Variants in FOXP1 observed in about 807,000 individuals in gnomAD.
The protein encoded by FOXP1 is forkhead box protein P1.
A neutral mutation model predicts 98.2 loss-of-function variants in FOXP1; 15 were observed. That is an observed-to-expected ratio of 0.15 (90% CI 0.10 to 0.24). The LOEUF is 0.24. Among genes scored for constraint, FOXP1 ranks in the 10% least tolerant of loss-of-function variants. The pLI, the probability that FOXP1 is intolerant of heterozygous loss-of-function variation, is 1.00. For synonymous variants in FOXP1, 371 were observed against 314.5 expected, an observed-to-expected ratio of 1.18 and a Z score of -1.90; for missense variants, 633 against 848.5, an observed-to-expected ratio of 0.75 and a Z score of 3.15.
intron 2 of FOXP1, among the ~76,000 whole-genome samples, chr3:71,548,127 C>T (rs959681306): frequency 6.6e-6 from 1 of 152,216 alleles, no homozygotes; most frequent in African/African-American, 2.4e-5. Context: ...GCATGGACAA[C>T]ACCCCCAAGT....
intron 14 of FOXP1, among the ~76,000 whole-genome samples, chr3:70,978,307 C>T (rs1197203628): frequency 6.6e-6 from 1 of 152,130 alleles, no homozygotes; most frequent in East Asian, 1.9e-4. Context: ...TGTGAGAAAC[C>T]CTGAGTCAAG....
intron 3 of FOXP1, among the ~76,000 whole-genome samples, chr3:71,418,732 C>T (rs1458842837): frequency 1.3e-5 from 2 of 152,094 alleles, no homozygotes; most frequent in Non-Finnish European, 2.9e-5. Flanking sequence ...TTTGAGGCAA[C>T]AATATTTTGT....
At chr3:71,510,673 C>G (rs964048496) in intron 2 of FOXP1, among the ~76,000 whole-genome samples, 5 of 152,186 alleles carry the variant, frequency 3.3e-5, no homozygotes, top group African/African-American at 1.2e-4. Flanking sequence ...GGGGCTGATG[C>G]CTACCAACTG....
intron 6 of FOXP1, among the ~76,000 whole-genome samples, chr3:71,134,949 C>G (rs985786287): frequency 2.0e-5 from 3 of 152,044 alleles, no homozygotes; most frequent in African/African-American, 7.3e-5. Context: ...CTAGACAATC[C>G]TACCTTCTTC....
rs550575614 is a variant in FOXP1, at chr3:70,977,994, G to C, written c.1182C>G (p.Ser394=). The C allele has an allele frequency of 4.3e-6, 7 of 1,614,074 alleles. No individual in the cohort carries two copies. Among genetic ancestry groups the C allele is most frequent in the Admixed American group, 3.3e-5 (2 of 60,022 alleles). The change falls in exon 15 of 21, where the codon TCC becomes TCG. Residue 394 remains serine, a synonymous_variant. Transcript: ENST00000649528. ...AGCTCTGTGGAGAAGCCTCCGATGC[G>C]GACTTGGAGAGAGTGACACTTGATA... The part of the protein sequence containing the change: ...NLVSSVTLSK[S]ASEASPQSLP...
At chr3:71,582,613 G>A in intron 1 of FOXP1, 1 of 985,446 alleles carries the variant, frequency 1.0e-6, no homozygotes, top group Non-Finnish European at 1.2e-6. Context: ...GCTTCAGAGG[G>A]GGGTAAAATC....
chr3:71,214,747 G>C lies in FOXP1; in HGVS notation c.-11-16355C>G, dbSNP rs1025704862. ...TGATCACGTTCTCCCCCAAAAGAGA[G>C]AGAGGAGCGGGGGAGAGAGGATCAT... On this transcript the variant is annotated intron_variant, in intron 5 of 20. Coordinates refer to ENST00000649528, the MANE Select transcript of FOXP1 (RefSeq NM_001349338.3). Among the ~76,000 whole-genome samples, 32 of 152,206 alleles carry C rather than the reference G, an allele frequency of 2.1e-4. 1 individual carries two copies. Among genetic ancestry groups the C allele is most frequent in the Non-Finnish European group, 1.5e-5 (1 of 68,036 alleles).
chr3:70,990,721 C>A (rs1002826121), intron 13 of FOXP1, among the ~76,000 whole-genome samples: 1 of 152,134 alleles, frequency 6.6e-6, no homozygotes, highest in Non-Finnish European at 1.5e-5. Context: ...GAGTATCTAG[C>A]ATAAAGGAAA....
chr3:71,305,442 A>G (rs549629726), intron 4 of FOXP1, among the ~76,000 whole-genome samples: 38 of 152,260 alleles, frequency 2.5e-4, no homozygotes, highest in African/African-American at 9.1e-4. Context: ...ATTTCCACAG[A>G]AGAAAACCTT....
chr3:71,046,383 T>G (rs563636224), intron 10 of FOXP1, among the ~76,000 whole-genome samples: 1 of 152,022 alleles, frequency 6.6e-6, no homozygotes, highest in Non-Finnish European at 1.5e-5. Context: ...TAGAACTAAT[T>G]TGCTCAAAAA....
At chr3:71,508,108 T>A (rs540204580) in intron 2 of FOXP1, among the ~76,000 whole-genome samples, 4 of 152,318 alleles carry the variant, frequency 2.6e-5, no homozygotes, top group South Asian at 4.1e-4. Flanking sequence ...TTCTAATGAG[T>A]GCTGCTGCCT....
At chr3:71,123,652 A>C (rs1319228796) in intron 6 of FOXP1, among the ~76,000 whole-genome samples, 1 of 152,144 alleles carries the variant, frequency 6.6e-6, no homozygotes. Flanking sequence ...CCTCCATCTA[A>C]GTGAGATCTC....
chr3:71,037,127 G>A (rs2047701917), intron 11 of FOXP1, among the ~76,000 whole-genome samples: 1 of 152,140 alleles, frequency 6.6e-6, no homozygotes, highest in Non-Finnish European at 1.5e-5. Context: ...GAGTGGTCAG[G>A]TGGATAAAAT....
intron 3 of FOXP1, among the ~76,000 whole-genome samples, chr3:71,483,679 TGTAAC>T (rs2090451908): frequency 6.6e-6 from 1 of 152,186 alleles, no homozygotes; most frequent in South Asian, 2.1e-4. Flanking sequence ...GGTAAATAGT[TGTAAC>T]AGACCAGGTG....
intron 2 of FOXP1, among the ~76,000 whole-genome samples, chr3:71,531,122 C>T (rs1262702382): frequency 6.6e-6 from 1 of 152,264 alleles, no homozygotes; most frequent in Non-Finnish European, 1.5e-5. Context: ...ACTATCTCCA[C>T]CTCTGAGGAG....
intron 5 of FOXP1, among the ~76,000 whole-genome samples, chr3:71,271,258 G>C (rs1021827809): frequency 5.3e-5 from 8 of 152,158 alleles, no homozygotes; most frequent in Non-Finnish European, 8.8e-5. Flanking sequence ...CCTTCCAACA[G>C]AAACATATCT....
intron 3 of FOXP1, among the ~76,000 whole-genome samples, chr3:71,443,487 C>A (rs764364439): frequency 5.3e-5 from 8 of 152,220 alleles, no homozygotes; most frequent in Non-Finnish European, 7.3e-5. Context: ...GTCTAACAAG[C>A]CCTCCAGGTG....
intron 7 of FOXP1, among the ~76,000 whole-genome samples, chr3:71,087,699 C>T (rs766958369): frequency 1.3e-5 from 2 of 152,114 alleles, no homozygotes; most frequent in Non-Finnish European, 2.9e-5. Context: ...GGTGGGGAAA[C>T]TTTGACCTTT....
At chr3:71,253,592 A>G (rs778420025) in intron 5 of FOXP1, among the ~76,000 whole-genome samples, 5 of 152,214 alleles carry the variant, frequency 3.3e-5, no homozygotes, top group Non-Finnish European at 5.9e-5. Context: ...TTCTCAGTAA[A>G]TATTTACTCC....
Sources: allele counts gnomAD v4.1 joint callset (sites outside exome capture counted in the v4.1 genomes callset), GRCh38; gene constraint gnomAD v4.1.1; transcripts MANE v1.5; gene names NCBI Gene and HGNC (gene_info 2026-07-23, HGNC 2026-07-21).